The following BNC2 variants were observed in gnomAD, a reference collection of about 807,000 sequenced individuals.
The protein encoded by BNC2 is basonuclin zinc finger protein 2, also known as zinc finger protein basonuclin-2.
A neutral mutation model predicts 76.3 loss-of-function variants in BNC2; 20 were observed. The observed-to-expected ratio is 0.26, with a 90% CI of 0.18 to 0.38. BNC2 has a LOEUF of 0.38. BNC2 is among the 10% of genes least tolerant of loss of function. BNC2 has a pLI of 1.00. For synonymous variants in BNC2, 582 were observed against 514.8 expected, an observed-to-expected ratio of 1.13 and a Z score of -1.77; for missense variants, 1,382 against 1,399.8, an observed-to-expected ratio of 0.99 and a Z score of 0.20.
At chr9:16,588,368 T>C (rs1341639552) in intron 3 of BNC2, among the ~76,000 whole-genome samples, 2 of 152,178 alleles carry the variant, frequency 1.3e-5, no homozygotes, top group African/African-American at 4.8e-5. Context: ...AATGAACACT[T>C]TGACATACAT....
intron 3 of BNC2, among the ~76,000 whole-genome samples, chr9:16,671,142 T>C (rs1211604340): frequency 6.6e-6 from 1 of 152,150 alleles, no homozygotes; most frequent in Non-Finnish European, 1.5e-5. Flanking sequence ...GTAATTCATC[T>C]TTGTGTTGGT....
At position 16,416,238 on chromosome 9, in the gene BNC2, T is replaced by C. The variant is rs1309357563; in HGVS notation, c.*2751A>G. On this transcript the variant is annotated 3_prime_UTR_variant, in exon 7 of 7. Coordinates refer to ENST00000380672, the MANE Select transcript of BNC2 (RefSeq NM_017637.6). ...CTTTTCAAAGTTGCTGAAATAAAAA[T>C]GTGTATTTATTTTCATAAAACTACA... is the stretch of plus-strand genomic sequence containing the variant. The C allele has an allele frequency of 6.6e-6, 1 of 152,494 alleles. No homozygotes were observed. The highest frequency in any genetic ancestry group is 1.5e-5 in the Non-Finnish European group (1 of 68,044). The allele number at this position is 152,494 out of a possible 1,614,324, so 9.4% of individuals were successfully genotyped here.
intron 1 of BNC2, among the ~76,000 whole-genome samples, chr9:16,793,548 T>G (rs1398398699): frequency 5.3e-5 from 8 of 151,842 alleles, no homozygotes; most frequent in African/African-American, 1.9e-4. Context: ...GGGATTCTCC[T>G]GCTGCAGCCT....
intron 5 of BNC2, among the ~76,000 whole-genome samples, chr9:16,457,212 G>A (rs1401640782): frequency 3.9e-5 from 6 of 152,272 alleles, no homozygotes; most frequent in Admixed American, 1.3e-4. Flanking sequence ...AAGATCATAT[G>A]GAACAAGGGG....
At chr9:16,749,375 A>T (rs1367986914) in intron 1 of BNC2, among the ~76,000 whole-genome samples, 1 of 152,224 alleles carries the variant, frequency 6.6e-6, no homozygotes, top group Admixed American at 6.5e-5. Flanking sequence ...ACTAAGGAGA[A>T]TATCAAAAGG....
rs12236108 is a variant in BNC2, at chr9:16,671,984, C to A, written c.330+55813G>T. Among the ~76,000 whole-genome samples the A allele has an allele frequency of 1.1e-4, 16 of 152,282 alleles. No homozygotes were observed. In the East Asian group the frequency reaches 2.9e-3, roughly 28 times the overall value. The stretch of plus-strand genomic sequence containing the variant: ...GCCACAGTTTCTCTCATTAAGCAAA[C>A]TCTGAACAAATCATTCATGGGTGAT... On this transcript the variant is annotated intron_variant, in intron 3 of 6. Coordinates refer to ENST00000380672, the MANE Select transcript of BNC2 (RefSeq NM_017637.6).
intron 6 of BNC2, among the ~76,000 whole-genome samples, chr9:16,423,023 G>A (rs1044809009): frequency 2.0e-5 from 3 of 152,270 alleles, no homozygotes; most frequent in Middle Eastern, 3.4e-3. Flanking sequence ...ATCAGATGTC[G>A]AGAGAAGACC....
chr9:16,537,920 G>C (rs1468410669), intron 5 of BNC2, among the ~76,000 whole-genome samples: 1 of 152,146 alleles, frequency 6.6e-6, no homozygotes, highest in Non-Finnish European at 1.5e-5. Flanking sequence ...CCTTCTAAGG[G>C]TGTGCCCCTT....
chr9:16,462,915 G>C (rs1821616634), intron 5 of BNC2, among the ~76,000 whole-genome samples: 1 of 152,114 alleles, frequency 6.6e-6, no homozygotes, highest in African/African-American at 2.4e-5. Context: ...AGGCTTGTTT[G>C]ATGTCCTAGT....
chr9:16,765,977 C>T (rs919463113), intron 1 of BNC2, among the ~76,000 whole-genome samples: 5 of 151,876 alleles, frequency 3.3e-5, no homozygotes, highest in Non-Finnish European at 5.9e-5. Flanking sequence ...TTAGTAGAGA[C>T]GGGATTTCAC....
At chr9:16,752,304 T>C (rs1211483171) in intron 1 of BNC2, among the ~76,000 whole-genome samples, 1 of 152,234 alleles carries the variant, frequency 6.6e-6, no homozygotes, top group Non-Finnish European at 1.5e-5. Context: ...TTTCACTTCC[T>C]TTTTAGATAG....
At chr9:16,552,828 C>G in intron 4 of BNC2, 63 bp from the exon 5 acceptor site, 2 of 1,359,224 alleles carry the variant, frequency 1.5e-6, no homozygotes, top group Admixed American at 3.4e-5. Context: ...AGAGAGAGAA[C>G]AGGAGTTAGA....
intron 5 of BNC2, among the ~76,000 whole-genome samples, chr9:16,493,996 A>G (rs1051026135): frequency 2.6e-5 from 4 of 152,130 alleles, no homozygotes; most frequent in South Asian, 2.1e-4. Flanking sequence ...CACTCAACTA[A>G]TAGGTCTTGA....
intron 1 of BNC2, among the ~76,000 whole-genome samples, chr9:16,839,776 G>C (rs982985096): frequency 2.0e-5 from 3 of 152,170 alleles, no homozygotes; most frequent in African/African-American, 7.2e-5. Context: ...CAAGAAAAAC[G>C]TAATTTCCAA....
intron 3 of BNC2, among the ~76,000 whole-genome samples, chr9:16,692,999 G>A (rs557799725): frequency 4.4e-4 from 48 of 109,008 alleles, no homozygotes; most frequent in Non-Finnish European, 9.7e-4. Context: ...GCATGGTGGC[G>A]GGCACCTGTA....
chr9:16,850,582 A>G (rs890309420), intron 1 of BNC2, among the ~76,000 whole-genome samples: 2 of 152,170 alleles, frequency 1.3e-5, no homozygotes, highest in African/African-American at 2.4e-5. Flanking sequence ...TTCTAAATCA[A>G]AAATAGGCTG....
chr9:16,779,763 A>G (rs1267521757), intron 1 of BNC2, among the ~76,000 whole-genome samples: 1 of 152,204 alleles, frequency 6.6e-6, no homozygotes, highest in Non-Finnish European at 1.5e-5. Flanking sequence ...ATTTGTATGA[A>G]ATGTCCAGAA....
intron 1 of BNC2, among the ~76,000 whole-genome samples, chr9:16,847,334 A>G (rs1481361708): frequency 7.2e-6 from 1 of 138,650 alleles, no homozygotes; most frequent in Non-Finnish European, 1.5e-5. Flanking sequence ...TGCCACATCA[A>G]ATTACCTTTT....
intron 2 of BNC2, among the ~76,000 whole-genome samples, chr9:16,731,325 A>G (rs749591265): frequency 1.3e-5 from 2 of 152,252 alleles, no homozygotes; most frequent in East Asian, 1.9e-4. Context: ...CTTAAAGGCC[A>G]TCTGTTGGCT....
Sources: gnomAD v4.1 joint callset for allele counts (sites outside exome capture counted in the v4.1 genomes callset) on GRCh38, gnomAD v4.1.1 for gene constraint, MANE v1.5 for transcripts, NCBI Gene and HGNC (gene_info 2026-07-23, HGNC 2026-07-21) for gene names.